TBX15: variants seen among roughly 807,000 people sequenced by gnomAD.
The protein encoded by TBX15 is T-box transcription factor 15.
TBX15 carries 18 observed loss-of-function variants against 53.9 expected under a neutral mutation model. That is an observed-to-expected ratio of 0.33 (90% CI 0.23 to 0.49). The LOEUF (loss-of-function observed/expected upper bound fraction) is 0.49, where lower values mean the gene tolerates loss of function less well. Ranked by LOEUF, TBX15 falls within the 20% of genes least tolerant of loss-of-function variation. The pLI is 0.98. For missense variants in TBX15, 692 were observed against 749.5 expected (o/e 0.92, Z 0.90); for synonymous variants, 295 against 278.0 (o/e 1.06, Z -0.61).
At chr1:118,947,074 C>T (rs1043687350) in intron 1 of TBX15, among the ~76,000 whole-genome samples, 1 of 152,222 alleles carries the variant, frequency 6.6e-6, no homozygotes, top group Non-Finnish European at 1.5e-5. Flanking sequence ...CAGAAGAAAT[C>T]CCTCCACCTC....
rs151096679 is a variant in TBX15, at chr1:118,927,579, C to A, written c.420-968G>T. Among the ~76,000 whole-genome samples the A allele has an allele frequency of 9.1e-4, 138 of 152,176 alleles. 1 individual carries two copies. The highest frequency in any genetic ancestry group is 5.8e-3 in the Admixed American group (89 of 15,284). On this transcript the variant is annotated intron_variant, in intron 2 of 7. Transcript: ENST00000369429. ...TCAACGTGTGTGTCAGAGGAAGGAC[C>A]CTGTGGAATTGGAAGCAAATACCAA...
intron 1 of TBX15, among the ~76,000 whole-genome samples, chr1:118,984,807 C>T (rs1351427154): frequency 6.6e-6 from 1 of 152,178 alleles, no homozygotes; most frequent in East Asian, 1.9e-4. Flanking sequence ...TACATAGTTT[C>T]CTCTGTGGAG....
chr1:118,890,747 C>A (rs760566345), intron 7 of TBX15: 35 of 468,122 alleles, frequency 7.5e-5, no homozygotes, highest in Non-Finnish European at 1.1e-4. Flanking sequence ...TAAGGGCTTT[C>A]ACATACAGTT....
At chr1:118,903,291 G>C (rs991111172) in intron 6 of TBX15, among the ~76,000 whole-genome samples, 1 of 152,120 alleles carries the variant, frequency 6.6e-6, no homozygotes, top group Admixed American at 6.6e-5. Flanking sequence ...GCAAATTGAT[G>C]ATGGCTTGAA....
intron 1 of TBX15, among the ~76,000 whole-genome samples, chr1:118,984,115 T>C (rs1007819431): frequency 2.6e-5 from 4 of 152,264 alleles, no homozygotes; most frequent in African/African-American, 9.6e-5. Flanking sequence ...GGCCGCGCTT[T>C]CTGCAAGGGC....
intron 1 of TBX15, among the ~76,000 whole-genome samples, chr1:118,981,927 G>A (rs1657665564): frequency 6.6e-6 from 1 of 152,172 alleles, no homozygotes; most frequent in Non-Finnish European, 1.5e-5. Flanking sequence ...TAAACTACAC[G>A]GATGAGAAAG....
intron 1 of TBX15, among the ~76,000 whole-genome samples, chr1:118,963,260 G>T (rs936571446): frequency 3.9e-5 from 6 of 152,176 alleles, no homozygotes; most frequent in Non-Finnish European, 7.4e-5. Flanking sequence ...GCAAAAAGTT[G>T]ATTTAGGACA....
intron 1 of TBX15, among the ~76,000 whole-genome samples, chr1:118,939,090 G>A (rs1468146439): frequency 6.6e-6 from 1 of 152,038 alleles, no homozygotes; most frequent in Non-Finnish European, 1.5e-5. Flanking sequence ...GATGCAGCTG[G>A]AGGCCATAAT....
chr1:118,984,161 G>GTGCAGTAGTTGA (rs1419776132), intron 1 of TBX15, among the ~76,000 whole-genome samples: 2 of 152,248 alleles, frequency 1.3e-5, no homozygotes, highest in Non-Finnish European at 2.9e-5. Context: ...TTGAGCTGAC[G>GTGCAGTAGTTGA]GGTGCGTGCG....
intron 1 of TBX15, among the ~76,000 whole-genome samples, chr1:118,977,300 CAT>C (rs375617492): frequency 6.6e-6 from 1 of 151,422 alleles, no homozygotes; most frequent in African/African-American, 2.4e-5. Flanking sequence ...TATATATGCA[CAT>C]ATATATATAT....
Position 118,987,910 on chromosome 1 carries a change from C to G in TBX15, c.-115G>C, listed in dbSNP as rs1267379388. 1.6e-5 allele frequency: 22 copies of G among 1,336,792 alleles called. No homozygotes were observed. The highest frequency in any genetic ancestry group is 1.5e-4 in the South Asian group (11 of 72,246). 82.8% of individuals were successfully genotyped at this position (1,336,792 alleles called of 1,614,324 possible). ...CCGGGAGAGGCGGAGGCGCGTCGGA[C>G]GAGGCTGAGACTGCGGCTCGCGGGT... On this transcript the variant is annotated 5_prime_UTR_variant, in exon 1 of 8. Transcript: ENST00000369429.
At chr1:118,954,305 C>A (rs1157055423) in intron 1 of TBX15, among the ~76,000 whole-genome samples, 1 of 152,178 alleles carries the variant, frequency 6.6e-6, no homozygotes, top group Non-Finnish European at 1.5e-5. Context: ...CTTTTCCTGG[C>A]TTCCAATGAT....
chr1:118,933,505 G>T, intron 1 of TBX15, among the ~76,000 whole-genome samples: 1 of 143,986 alleles, frequency 6.9e-6, no homozygotes, highest in Non-Finnish European at 1.5e-5. Context: ...GGTTTTACAT[G>T]TCTAAGCACA....
intron 1 of TBX15, among the ~76,000 whole-genome samples, chr1:118,963,651 A>G (rs997625118): frequency 6.6e-6 from 1 of 152,334 alleles, no homozygotes; most frequent in Non-Finnish European, 1.5e-5. Flanking sequence ...CTGAGTCACC[A>G]CTCAGAAGAG....
chr1:118,951,664 C>T (rs866628546), intron 1 of TBX15, among the ~76,000 whole-genome samples: 17 of 151,906 alleles, frequency 1.1e-4, no homozygotes, highest in Middle Eastern at 3.4e-3. Flanking sequence ...GTTCCTGATT[C>T]CAAGTGGCAA....
At chr1:118,925,806 T>A (rs1416294807) in intron 3 of TBX15, among the ~76,000 whole-genome samples, 1 of 152,198 alleles carries the variant, frequency 6.6e-6, no homozygotes, top group African/African-American at 2.4e-5. Flanking sequence ...CTTGCCTCCC[T>A]ATTCATGGGT....
At position 118,884,875 on chromosome 1, in the gene TBX15, G is replaced by T. The variant is rs1320926459; in HGVS notation, c.1666C>A (p.Gln556Lys). ...TGCTCCATCCCTGACGGCAGGTACT[G>T]CCTCTCTCCAAAGGCCCCGTTGGAA... is the stretch of plus-strand genomic sequence containing the variant. ...SPSNGAFGER[Q>K]YLPSGMEHSM... Residue 556 changes from glutamine (Q) to lysine (K), a missense_variant, in exon 8 of 8, where the codon CAG (glutamine) becomes AAG (lysine). Physicochemically the swap from Gln to Lys is moderately conservative, Grantham distance 53. Around this residue, in one of 3 missense-constraint regions of TBX15, gnomAD observed 375 missense variants for 371.6 expected, o/e 1.01. Transcript: ENST00000369429. 3.7e-6 allele frequency: 6 copies of T among 1,614,076 alleles called. No individual in the cohort carries two copies. Among genetic ancestry groups the T allele is most frequent in the Non-Finnish European group, 5.1e-6 (6 of 1,180,034 alleles).
intron 1 of TBX15, among the ~76,000 whole-genome samples, chr1:118,961,424 A>G (rs1341837033): frequency 6.6e-6 from 1 of 152,196 alleles, no homozygotes; most frequent in African/African-American, 2.4e-5. Flanking sequence ...AAGTACTGCT[A>G]GGAATCAGGC....
At chr1:118,889,525 T>A (rs1654064774) in intron 7 of TBX15, among the ~76,000 whole-genome samples, 1 of 152,138 alleles carries the variant, frequency 6.6e-6, no homozygotes, top group African/African-American at 2.4e-5. Flanking sequence ...TGTGCCCTCC[T>A]CCCCTCTGTA....
Sources: gnomAD v4.1 joint callset for allele counts (sites outside exome capture counted in the v4.1 genomes callset) on GRCh38, gnomAD v4.1.1 for gene constraint, gnomAD v4.1.1 regional missense constraint, MANE v1.5 for transcripts, NCBI Gene and HGNC (gene_info 2026-07-23, HGNC 2026-07-21) for gene names.